The following NLRP2 variants were observed in gnomAD, a reference collection of about 807,000 sequenced individuals.
NLRP2 encodes NACHT, LRR and PYD domains-containing protein 2.
Under a neutral mutation model 97.2 loss-of-function variants are expected in NLRP2, and 107 were observed. The observed-to-expected ratio is 1.10, with a 90% confidence interval of 0.94 to 1.29. The LOEUF (loss-of-function observed/expected upper bound fraction) is 1.29, where lower values mean the gene tolerates loss of function less well. NLRP2 is among the 50% of genes most tolerant of loss of function. The pLI is 0.00. For missense variants in NLRP2, 1,495 were observed against 1,330.3 expected (o/e 1.12, Z -1.93); for synonymous variants, 663 against 551.5 (o/e 1.20, Z -2.83).
intron 4 of NLRP2, among the ~76,000 whole-genome samples, chr19:54,978,148 T>C (rs1284930417): frequency 2.6e-5 from 4 of 151,906 alleles, no homozygotes; most frequent in Non-Finnish European, 5.9e-5. Flanking sequence ...AACCTCCACC[T>C]CCCAGGTTCA....
chr19:54,994,811 A>G (rs551192460), intron 11 of NLRP2, among the ~76,000 whole-genome samples: 54 of 151,486 alleles, frequency 3.6e-4, no homozygotes, highest in Middle Eastern at 6.8e-3. Context: ...GGGTTTCGCC[A>G]TGTTGAAGGT....
Position 54,980,163 on chromosome 19 carries a change from G to T in NLRP2, c.398-1454G>T, listed in dbSNP as rs1222468332. 2.0e-5 allele frequency among the ~76,000 whole-genome samples: 3 copies of T among 151,850 alleles called. 1 individual carries two copies. In the East Asian group the frequency reaches 5.8e-4, roughly 30 times the overall value. On this transcript the variant is annotated intron_variant, in intron 4 of 12. Transcript: ENST00000448584. ...TCATGCTTCAGCAGGAAATGTGGGT[G>T]AATAGTGCCTGGTGGCATGGCAGGT...
chr19:54,983,817 G>T, intron 6 of NLRP2, 89 bp downstream of exon 6: 1 of 1,532,428 alleles, frequency 6.5e-7, no homozygotes, highest in Non-Finnish European at 8.9e-7. Context: ...TATGCACTGT[G>T]GCTTAGGGTC....
chr19:54,976,933 G>T, intron 3 of NLRP2: 1 of 386,160 alleles, frequency 2.6e-6, no homozygotes, highest in Non-Finnish European at 5.0e-6. Flanking sequence ...CCTTGCCTCA[G>T]CCTCGCAAGT....
chr19:54,975,106 G>GTTTTGTTTTTTTTTTTTTT (rs2071120773), intron 3 of NLRP2, among the ~76,000 whole-genome samples: 3 of 58,674 alleles, frequency 5.1e-5, no homozygotes, highest in Admixed American at 2.5e-4. Context: ...ACCCGGTTTT[G>GTTTTGTTTTTTTTTTTTTT]TTTTTTTTTT....
At chr19:54,999,829 C>CA (rs1342281404) in intron 12 of NLRP2, among the ~76,000 whole-genome samples, 1 of 152,120 alleles carries the variant, frequency 6.6e-6, no homozygotes, top group East Asian at 1.9e-4. Context: ...CTCCGCCTCC[C>CA]AGGTTCAAGT....
chr19:54,991,550 CAAAAA>C (rs34809658), intron 10 of NLRP2: 1 of 136,074 alleles, frequency 7.3e-6, no homozygotes, highest in African/African-American at 2.6e-5. Flanking sequence ...AAGACTCTCT[CAAAAA>C]AAAAAAATTA....
chr19:54,975,453 TTA>T (rs1400899187), intron 3 of NLRP2, among the ~76,000 whole-genome samples: 2 of 87,074 alleles, frequency 2.3e-5, no homozygotes, highest in South Asian at 3.5e-4. Context: ...AAGATTATTA[TTA>T]TTTTTTTTTT....
At chr19:54,977,057 C>G in intron 3 of NLRP2, 1 of 301,546 alleles carries the variant, frequency 3.3e-6, no homozygotes, top group East Asian at 1.1e-4. Flanking sequence ...TCATGATCCG[C>G]CTGCCTTGGC....
intron 2 of NLRP2, 21 bp from the exon 3 acceptor site, chr19:54,974,479 T>C (rs762996139): frequency 2.4e-5 from 38 of 1,607,112 alleles, no homozygotes; most frequent in Non-Finnish European, 3.2e-5. Context: ...TGCAAAATTT[T>C]CCCCCCTTCT....
In NLRP2 at chr19:54,975,107, T is replaced by G. The variant is rs12976014; in HGVS notation, c.325+563T>G. ...TGAGCCACCACCACACCCGGTTTTGTTTTTTTTTTTTTTTTTTTTTTTTTT... is the reference window on the plus strand; with the variant it reads ...TGAGCCACCACCACACCCGGTTTTGGTTTTTTTTTTTTTTTTTTTTTTTTT... On this transcript the variant is annotated intron_variant, in intron 3 of 12. Transcript: ENST00000448584. 4.5e-3 allele frequency among the ~76,000 whole-genome samples: 29 copies of G among 6,494 alleles called. No homozygotes were observed. In the African/African-American group the frequency reaches 0.057, roughly 13 times the overall value. 4.3% of individuals were successfully genotyped at this position (6,494 alleles called of 152,430 possible).
chr19:54,986,125 T>A, intron 7 of NLRP2, 26 bp from the exon 8 acceptor site: 2 of 1,566,808 alleles, frequency 1.3e-6, no homozygotes, highest in African/African-American at 1.3e-5. Flanking sequence ...ACACTAAAGA[T>A]TTCACTTTCG....
At chr19:54,981,512 C>T (rs879112381) in intron 4 of NLRP2, 105 bp from the exon 5 acceptor site, 23 of 273,488 alleles carry the variant, frequency 8.4e-5, no homozygotes, top group Middle Eastern at 1.0e-3. Context: ...ATCCCGTGCC[C>T]CCCCTCCCCC....
rs2070743597 is a variant in NLRP2 at position 54,970,055 on chromosome 19, C to T, written c.40C>T (p.Leu14Phe). The change falls in exon 2 of 13, where the codon CTC becomes TTC. Residue 14 changes from leucine to phenylalanine, a missense_variant. Transcript: ENST00000448584. ...GCAGATGGGCTTCAACCTGCAGGCT[C>T]TCCTGGAGCAGCTCAGCCAGGATGA... ...SAQMGFNLQA[L>F]LEQLSQDELS... The T allele has an allele frequency of 3.7e-6, 6 of 1,613,956 alleles. No individual in the cohort carries two copies. Among genetic ancestry groups the T allele is most frequent in the Admixed American group, 3.3e-5 (2 of 59,952 alleles).
chr19:54,974,231 A>G (rs1482594320), intron 2 of NLRP2: 1 of 581,162 alleles, frequency 1.7e-6, no homozygotes, highest in Non-Finnish European at 3.1e-6. Context: ...GTGTATGCCT[A>G]TAGTCCCAGC....
intron 2 of NLRP2, among the ~76,000 whole-genome samples, chr19:54,973,075 C>T (rs703466): frequency 0.29 from 44,028 of 151,592 alleles, 6,568 homozygotes; most frequent in East Asian, 0.39. Flanking sequence ...CCTGTAGTCC[C>T]AGCTACTTGG....
Position 54,990,496 on chromosome 19 carries a change from T to G in NLRP2, c.2538-6T>G. 4.3e-6 allele frequency: 7 copies of G among 1,614,122 alleles called. No individual in the cohort carries two copies. Among genetic ancestry groups the G allele is most frequent in the Non-Finnish European group, 5.9e-6 (7 of 1,180,008 alleles). ...AACCGTGTTGCCATTTGTGATTCTTTTGTAGGTTGGAAAACTGTCACCTTA... is the reference window on the plus strand; with the variant it reads ...AACCGTGTTGCCATTTGTGATTCTTGTGTAGGTTGGAAAACTGTCACCTTA... On this transcript the variant is annotated splice_region_variant and splice_polypyrimidine_tract_variant and intron_variant, in intron 9 of 12. Coordinates refer to ENST00000448584, the MANE Select transcript of NLRP2 (RefSeq NM_017852.5).
intron 1 of NLRP2, among the ~76,000 whole-genome samples, chr19:54,967,894 G>A (rs1393846337): frequency 1.3e-5 from 2 of 148,846 alleles, no homozygotes; most frequent in Non-Finnish European, 3.0e-5. Flanking sequence ...TACCCTTTCT[G>A]TAAAGTTTTT....
chr19:54,970,023 C>G lies in NLRP2; in HGVS notation c.8C>G (p.Ser3Cys). The change falls in exon 2 of 13, where the codon TCT becomes TGT. Residue 3 changes from serine (S) to cysteine (C), a missense_variant. By Grantham distance (112) the Ser-to-Cys change is moderately radical. Coordinates refer to ENST00000448584, the MANE Select transcript of NLRP2 (RefSeq NM_017852.5). ...GCTCCCACGTGGGACAAGATGGTGT[C>G]TTCGGCGCAGATGGGCTTCAACCTG... MV[S>C]SAQMGFNLQA... 1 of 1,613,584 alleles carries G rather than the reference C, an allele frequency of 6.2e-7. No individual in the cohort carries two copies. Among genetic ancestry groups the G allele is most frequent in the African/African-American group, 1.3e-5 (1 of 75,024 alleles).
Sources: gnomAD v4.1 joint callset for allele counts (sites outside exome capture counted in the v4.1 genomes callset) on GRCh38, gnomAD v4.1.1 for gene constraint, MANE v1.5 for transcripts, NCBI Gene and HGNC (gene_info 2026-07-23, HGNC 2026-07-21) for gene names.